The following LYST variants were observed in gnomAD, a reference collection of about 807,000 sequenced individuals.
The protein encoded by LYST is lysosomal-trafficking regulator.
LYST carries 192 observed loss-of-function variants against 413.6 expected under a neutral mutation model. The observed-to-expected ratio is 0.46, with a 90% CI of 0.41 to 0.52. The LOEUF is 0.52. LYST is among the 20% of genes least tolerant of loss of function. LYST has a pLI of 0.00. For synonymous variants in LYST, 1,525 were observed against 1,567.3 expected (o/e 0.97, Z 0.64); for missense variants, 3,815 against 4,499.9 (o/e 0.85, Z 4.35).
At position 235,770,317 on chromosome 1, in the gene LYST, C is replaced by T. The variant is rs755519771; in HGVS notation, c.5785-20G>A. The T allele has an allele frequency of 8.1e-6, 13 of 1,613,008 alleles. No homozygotes were observed. Among genetic ancestry groups the T allele is most frequent in the Non-Finnish European group, 1.1e-5 (13 of 1,179,168 alleles). On this transcript the variant is annotated intron_variant, in intron 19 of 52. Coordinates refer to ENST00000389793, the MANE Select transcript of LYST (RefSeq NM_000081.4). The stretch of plus-strand genomic sequence containing the variant: ...ACCTTGCTGAAGAGATAAACACACA[C>T]CAATAAGCACATACTTACTGAAAAA...
At position 235,798,321 on chromosome 1, in the gene LYST, TATAAGTTCATTAATTATA is replaced by T. The variant is rs546610432; in HGVS notation, c.4006+1981_4006+1998del. On this transcript the variant is annotated intron_variant, in intron 10 of 52. Transcript: ENST00000389793. ...ACTTCAGTTAATAATAACATATCAA[TATAAGTTCATTAATTATA>T]ATACATATATCATAAAAAATTAGAT... 5.3e-5 allele frequency among the ~76,000 whole-genome samples: 8 copies of T among 151,984 alleles called. No individual in the cohort carries two copies. The East Asian group carries it at 1.5e-3, about 29-fold the overall frequency.
At chr1:235,755,337 C>T (rs940532266) in intron 25 of LYST, 141 bp downstream of exon 25, 12 of 768,926 alleles carry the variant, frequency 1.6e-5, no homozygotes, top group South Asian at 6.2e-5. Context: ...TGCAGTGAGC[C>T]GAGATTGCAC....
At chr1:235,753,954 C>T (rs191503768) in intron 25 of LYST, among the ~76,000 whole-genome samples, 1 of 152,220 alleles carries the variant, frequency 6.6e-6, no homozygotes, top group African/African-American at 2.4e-5. Context: ...ACACGTTTCT[C>T]TCTATTCTAT....
chr1:235,712,685 C>CT, intron 42 of LYST: 6 of 984,372 alleles, frequency 6.1e-6, no homozygotes, highest in South Asian at 9.4e-5. Context: ...TTCTTTCTTT[C>CT]TTTTTTTTCG....
intron 3 of LYST, chr1:235,829,565 A>C (rs1330935923): frequency 6.6e-6 from 1 of 152,228 alleles, no homozygotes; most frequent in African/African-American, 2.4e-5. Context: ...AATGAAATAA[A>C]GATATAAATC....
intron 28 of LYST, among the ~76,000 whole-genome samples, chr1:235,748,488 C>T (rs1165148117): frequency 6.6e-6 from 1 of 151,926 alleles, no homozygotes; most frequent in African/African-American, 2.4e-5. Context: ...ATTTATGTTT[C>T]TTAATATGGA....
rs1265270772 is a variant in LYST, at chr1:235,806,163, A to G, written c.2973T>C (p.His991=). Residue 991 remains histidine, a synonymous_variant, in exon 6 of 53, where the codon CAT becomes CAC. Coordinates refer to ENST00000389793, the MANE Select transcript of LYST (RefSeq NM_000081.4). Reference sequence around the variant, plus strand: ...TCTGTATTATCATAAATATTAACTTATGGCATACTCGGAAACCACCAAGCC... The same window carrying G: ...TCTGTATTATCATAAATATTAACTTGTGGCATACTCGGAAACCACCAAGCC... The part of the protein sequence containing the change: ...FYRLGGFRVC[H]KLIFMIIQKL... The G allele has an allele frequency of 1.9e-6, 3 of 1,613,838 alleles. No individual in the cohort carries two copies. The highest frequency in any genetic ancestry group is 1.1e-5 in the South Asian group (1 of 91,080).
rs149467186 is a variant in LYST at position 235,854,924 on chromosome 1, C to T, written c.-98+11919G>A. ...ATATCCCTTGGAATGACAAATGTCACTCCAATTCATAGGGAAGAAGATCCC... is the reference window on the plus strand; with the variant it reads ...ATATCCCTTGGAATGACAAATGTCATTCCAATTCATAGGGAAGAAGATCCC... On this transcript the variant is annotated intron_variant, in intron 1 of 52. Transcript: ENST00000389793. The surrounding 1 kb of genome is among the most constrained non-coding windows in gnomAD (Gnocchi z 4.1). 6.0e-3 allele frequency among the ~76,000 whole-genome samples: 921 copies of T among 152,252 alleles called. 7 individuals carry two copies. The highest frequency in any genetic ancestry group is 0.021 in the African/African-American group (877 of 41,546).
chr1:235,751,293 T>C lies in LYST; in HGVS notation c.7697A>G (p.His2566Arg). The C allele has an allele frequency of 6.2e-7, 1 of 1,613,682 alleles. No individual in the cohort carries two copies. Among genetic ancestry groups the C allele is most frequent in the Non-Finnish European group, 8.5e-7 (1 of 1,179,620 alleles). Residue 2566 changes from histidine to arginine, a missense_variant, in exon 28 of 53, where the codon CAT (histidine) becomes CGT (arginine). Coordinates refer to ENST00000389793, the MANE Select transcript of LYST (RefSeq NM_000081.4). ...AMEFIRTTAN[H>R]DSENLTDSLQ... ...TGAATCTGTGAGGTTTTCAGAGTCA[T>C]GATTTGCGGTGGTCCTTATAAATTC...
In LYST at chr1:235,782,108, A is replaced by C. The variant is rs1256665837; in HGVS notation, c.4863-21T>G. 3 of 1,599,518 alleles carry C rather than the reference A, an allele frequency of 1.9e-6. No individual in the cohort carries two copies. The African/African-American group carries it at 4.0e-5, about 21-fold the overall frequency. Reference sequence around the variant, plus strand: ...GCTTCCTACATTAAAAACAAAACAAAGTTAAAGCAATGACTTTAGGAAGTC... The same window carrying C: ...GCTTCCTACATTAAAAACAAAACAACGTTAAAGCAATGACTTTAGGAAGTC... On this transcript the variant is annotated intron_variant, in intron 14 of 52. Transcript: ENST00000389793.
chr1:235,881,929 G>A (rs4660121), intron 1 of LYST, among the ~76,000 whole-genome samples: 130,735 of 152,106 alleles, frequency 0.86, 56,502 homozygotes, highest in East Asian at 1. Flanking sequence ...AAAATGTCCT[G>A]GAAATGGATA....
chr1:235,672,534 C>T (rs1480866421), intron 50 of LYST, among the ~76,000 whole-genome samples: 1 of 152,094 alleles, frequency 6.6e-6, no homozygotes, highest in Non-Finnish European at 1.5e-5. Context: ...AAAAAAGCAA[C>T]TTTGGCTGCT....
rs751291435 is a variant in LYST at position 235,808,698 on chromosome 1, T to C, written c.2120A>G (p.His707Arg). ...AATGTGATTTGCAATCTGTATACTA[T>C]GTAATCTGTCTTCTTCAAAAACAAA... ...QNFVFEEDRL[H>R]SIQIANHICN... Residue 707 changes from histidine (H) to arginine (R), a missense_variant, in exon 5 of 53, where the codon CAT becomes CGT. By Grantham distance (29) the His-to-Arg change is conservative. Around this residue, in one of 4 missense-constraint regions of LYST, gnomAD observed 1,648 missense variants for 1,810.3 expected, o/e 0.91. Coordinates refer to ENST00000389793, the MANE Select transcript of LYST (RefSeq NM_000081.4). The C allele has an allele frequency of 3.1e-6, 5 of 1,614,014 alleles. No homozygotes were observed. Among genetic ancestry groups the C allele is most frequent in the Non-Finnish European group, 4.2e-6 (5 of 1,179,942 alleles).
intron 1 of LYST, among the ~76,000 whole-genome samples, chr1:235,856,047 A>G (rs1679140798): frequency 6.6e-6 from 1 of 152,160 alleles, no homozygotes; most frequent in Admixed American, 6.5e-5. Flanking sequence ...GAAATAAGAA[A>G]GAAATATATA....
intron 31 of LYST, chr1:235,738,316 T>C (rs1664998456): frequency 1.2e-6 from 2 of 1,611,746 alleles, no homozygotes; most frequent in South Asian, 1.1e-5. Flanking sequence ...GAGAAAGCCA[T>C]CTTAATTTGG....
chr1:235,777,926 TG>T (rs1420249682), intron 16 of LYST, among the ~76,000 whole-genome samples: 1 of 151,706 alleles, frequency 6.6e-6, no homozygotes. Context: ...AAATACAGAA[TG>T]CATGTTTTTC....
intron 3 of LYST, among the ~76,000 whole-genome samples, chr1:235,821,883 A>G (rs144300503): frequency 4.6e-5 from 7 of 152,310 alleles, no homozygotes; most frequent in African/African-American, 1.7e-4. Context: ...ACTCTTTGTT[A>G]AGACTCCAGA....
intron 1 of LYST, among the ~76,000 whole-genome samples, chr1:235,863,135 G>A (rs1680093910): frequency 6.6e-6 from 1 of 152,142 alleles, no homozygotes; most frequent in African/African-American, 2.4e-5. Context: ...GCTCACGCCT[G>A]TAATCCAGGC....
chr1:235,751,796 A>G (rs1666521855), intron 27 of LYST, among the ~76,000 whole-genome samples: 1 of 152,220 alleles, frequency 6.6e-6, no homozygotes, highest in East Asian at 1.9e-4. Context: ...TGTATTGCCA[A>G]CTACTAACTA....
Sources: allele counts gnomAD v4.1 joint callset (sites outside exome capture counted in the v4.1 genomes callset), GRCh38; gene constraint gnomAD v4.1.1; regional missense constraint gnomAD v4.1.1; non-coding constraint Gnocchi (gnomAD v3.1); transcripts MANE v1.5; gene names NCBI Gene and HGNC (gene_info 2026-07-23, HGNC 2026-07-21).